The following FAM169A variants were observed in gnomAD, a reference collection of about 807,000 sequenced individuals.
FAM169A encodes family with sequence similarity 169 member A.
In FAM169A, 24 loss-of-function variants were observed where a neutral mutation model predicts 75.7. The observed-to-expected ratio is 0.32, with a 90% confidence interval of 0.23 to 0.45. The LOEUF (loss-of-function observed/expected upper bound fraction) is 0.45, where lower values mean the gene tolerates loss of function less well. Ranked by LOEUF, FAM169A falls within the 20% of genes least tolerant of loss-of-function variation. The pLI is 1.00. For missense variants in FAM169A, 673 were observed against 784.0 expected, an observed-to-expected ratio of 0.86 and a Z score of 1.69; for synonymous variants, 271 against 271.0, an observed-to-expected ratio of 1.00 and a Z score of 0.00.
rs1489996485 is a variant in FAM169A, at chr5:74,810,837, TTTG to T, written c.670+3000_670+3002del. On this transcript the variant is annotated intron_variant, in intron 6 of 12. Transcript: ENST00000687041. Reference sequence around the variant, plus strand: ...ATTTGCCCTTTTTTTTTTTTTTTTTTTTGAAACAGGATCTGGCTCTTTCCCTGA... The same window carrying T: ...ATTTGCCCTTTTTTTTTTTTTTTTTTAAACAGGATCTGGCTCTTTCCCTGA... Among the ~76,000 whole-genome samples the T allele has an allele frequency of 1.1e-3, 135 of 119,638 alleles. 1 individual carries two copies. The highest frequency in any genetic ancestry group is 4.3e-3 in the African/African-American group (124 of 28,760). 78.5% of individuals were successfully genotyped at this position (119,638 alleles called of 152,430 possible).
intron 5 of FAM169A, among the ~76,000 whole-genome samples, chr5:74,815,825 C>T (rs1383779221): frequency 1.3e-5 from 2 of 152,164 alleles, no homozygotes; most frequent in Admixed American, 6.5e-5. Flanking sequence ...ATCCCATTAG[C>T]ACCGTGACAG....
chr5:74,797,001 ACTT>A (rs1372633795), intron 10 of FAM169A, among the ~76,000 whole-genome samples: 1 of 152,034 alleles, frequency 6.6e-6, no homozygotes, highest in Non-Finnish European at 1.5e-5. Context: ...GGACCACTGT[ACTT>A]CTCCCCAATT....
At chr5:74,844,085 G>T (rs1279189281) in intron 1 of FAM169A, among the ~76,000 whole-genome samples, 1 of 152,168 alleles carries the variant, frequency 6.6e-6, no homozygotes, top group East Asian at 1.9e-4. Context: ...AAGATGGAAA[G>T]AAAATATAAA....
At chr5:74,856,318 A>C (rs1305350417) in intron 1 of FAM169A, among the ~76,000 whole-genome samples, 1 of 152,098 alleles carries the variant, frequency 6.6e-6, no homozygotes, top group African/African-American at 2.4e-5. Flanking sequence ...ATTTCTGTGA[A>C]GAATGTCATT....
In FAM169A at chr5:74,788,692, C is replaced by T. The variant is rs928483200; in HGVS notation, c.1261-5558G>A. Among the ~76,000 whole-genome samples the T allele has an allele frequency of 2.7e-5, 4 of 149,490 alleles. No homozygotes were observed. In the South Asian group the frequency reaches 8.4e-4, roughly 32 times the overall value. ...TGCACTCCAGCCTGGGCAACAACAG[C>T]GAAACTCCATCTCAAAAAAAAAAAA... On this transcript the variant is annotated intron_variant, in intron 11 of 12. Transcript: ENST00000687041.
chr5:74,847,680 C>T (rs1749226301), intron 1 of FAM169A, among the ~76,000 whole-genome samples: 1 of 152,146 alleles, frequency 6.6e-6, no homozygotes, highest in South Asian at 2.1e-4. Flanking sequence ...TATGTCAGCA[C>T]ATTAGAAAAC....
intron 4 of FAM169A, among the ~76,000 whole-genome samples, 200 bp from the exon 5 acceptor site, chr5:74,834,797 A>C (rs1748484222): frequency 6.6e-6 from 1 of 152,116 alleles, no homozygotes; most frequent in South Asian, 2.1e-4. Context: ...TTCCACACAC[A>C]CATATTATGC....
intron 1 of FAM169A, among the ~76,000 whole-genome samples, chr5:74,847,570 GGT>G (rs1749219794): frequency 6.6e-6 from 1 of 151,930 alleles, no homozygotes; most frequent in African/African-American, 2.4e-5. Flanking sequence ...CCACCAATTT[GGT>G]ATATTAGATT....
chr5:74,864,312 C>T (rs903584291), intron 1 of FAM169A, among the ~76,000 whole-genome samples: 1 of 152,216 alleles, frequency 6.6e-6, no homozygotes, highest in African/African-American at 2.4e-5. Context: ...CTCACCGCAA[C>T]CTCTGCCTCC....
chr5:74,832,839 A>C (rs903317153), intron 5 of FAM169A, among the ~76,000 whole-genome samples: 1 of 152,060 alleles, frequency 6.6e-6, no homozygotes, highest in Non-Finnish European at 1.5e-5. Flanking sequence ...ACTTAACTCC[A>C]TTGTTATCTG....
intron 1 of FAM169A, among the ~76,000 whole-genome samples, chr5:74,860,210 T>G (rs1419705353): frequency 6.6e-6 from 1 of 152,234 alleles, no homozygotes; most frequent in Non-Finnish European, 1.5e-5. Context: ...TAGTAACTAC[T>G]GTTGATGGAA....
intron 1 of FAM169A, among the ~76,000 whole-genome samples, chr5:74,854,711 G>A (rs1010418903): frequency 3.3e-5 from 5 of 152,122 alleles, no homozygotes; most frequent in South Asian, 2.1e-4. Context: ...TGCAAAGTTC[G>A]TCTTTCTGTG....
At chr5:74,866,946 C>T, upstream of FAM169A, 2 of 985,478 alleles carry the variant, frequency 2.0e-6, no homozygotes, top group African/African-American at 1.7e-5. Context: ...AAGTTAGAAT[C>T]GTGGGCTGCT....
intron 1 of FAM169A, among the ~76,000 whole-genome samples, chr5:74,842,974 A>C (rs1748961888): frequency 6.6e-6 from 1 of 152,168 alleles, no homozygotes; most frequent in African/African-American, 2.4e-5. Context: ...TATTCCAAGC[A>C]ACAAGAAAAT....
intron 1 of FAM169A, among the ~76,000 whole-genome samples, chr5:74,851,441 A>G (rs1262745101): frequency 1.3e-5 from 2 of 152,234 alleles, no homozygotes; most frequent in Non-Finnish European, 2.9e-5. Context: ...AACAGTTGGA[A>G]CACAAAATAC....
intron 8 of FAM169A, among the ~76,000 whole-genome samples, chr5:74,803,499 T>C (rs996670904): frequency 4.6e-5 from 7 of 152,136 alleles, no homozygotes; most frequent in Non-Finnish European, 8.8e-5. Context: ...CCTAAAGCAG[T>C]TGTTTCTAAC....
At chr5:74,789,488 G>A (rs949200742) in intron 11 of FAM169A, among the ~76,000 whole-genome samples, 1 of 152,204 alleles carries the variant, frequency 6.6e-6, no homozygotes, top group Non-Finnish European at 1.5e-5. Flanking sequence ...TGTTACTCCA[G>A]CCCATTTATC....
chr5:74,799,334 G>C lies in FAM169A; in HGVS notation c.1103+1546C>G, dbSNP rs112444756. The C allele has an allele frequency of 2.0e-4, 323 of 1,607,240 alleles. No individual in the cohort carries two copies. In the African/African-American group the frequency reaches 3.7e-3, roughly 18 times the overall value. Reference sequence around the variant, plus strand: ...GCCCTAGAGAACAAATTTGCTGTGGGAAGTGAAGCACGACTCATTTCAGTT... The same window carrying C: ...GCCCTAGAGAACAAATTTGCTGTGGCAAGTGAAGCACGACTCATTTCAGTT... On this transcript the variant is annotated intron_variant, in intron 10 of 12. Transcript: ENST00000687041.
intron 1 of FAM169A, among the ~76,000 whole-genome samples, chr5:74,859,251 A>G (rs954848862): frequency 1.3e-5 from 2 of 149,488 alleles, no homozygotes; most frequent in Non-Finnish European, 3.0e-5. Context: ...TTTCCCCTAC[A>G]TTAATACACA....
Sources: gnomAD v4.1 joint callset for allele counts (sites outside exome capture counted in the v4.1 genomes callset) on GRCh38, gnomAD v4.1.1 for gene constraint, MANE v1.5 for transcripts, NCBI Gene and HGNC (gene_info 2026-07-23, HGNC 2026-07-21) for gene names.